STK32B: variants seen among roughly 807,000 people sequenced by gnomAD.
STK32B encodes serine/threonine-protein kinase 32B.
Under a neutral mutation model 52.6 loss-of-function variants are expected in STK32B, and 43 were observed. The observed-to-expected ratio is 0.82, with a 90% CI of 0.64 to 1.05. STK32B has a LOEUF of 1.05. Among genes scored for constraint, STK32B ranks in the 50% least tolerant of loss-of-function variants. STK32B has a pLI of 0.00. For synonymous variants in STK32B, 238 were observed against 204.3 expected, an observed-to-expected ratio of 1.17 and a Z score of -1.41; for missense variants, 621 against 534.6, an observed-to-expected ratio of 1.16 and a Z score of -1.59.
intron 3 of STK32B, among the ~76,000 whole-genome samples, chr4:5,294,213 A>G (rs571032267): frequency 1.3e-5 from 2 of 152,180 alleles, no homozygotes; most frequent in Non-Finnish European, 2.9e-5. Context: ...GTTTGAAGTC[A>G]GATAGCATGA....
intron 11 of STK32B, among the ~76,000 whole-genome samples, chr4:5,468,405 T>C (rs952841072): frequency 1.3e-5 from 2 of 152,170 alleles, no homozygotes; most frequent in Non-Finnish European, 2.9e-5. Flanking sequence ...TCAAGTTGCC[T>C]GGGGCCAAGT....
chr4:5,457,617 C>G (rs1257461951), intron 8 of STK32B, among the ~76,000 whole-genome samples: 1 of 151,192 alleles, frequency 6.6e-6, no homozygotes, highest in African/African-American at 2.4e-5. Context: ...CCTGTAATTC[C>G]AGCACTTTGG....
chr4:5,073,311 T>C (rs1711885450), intron 1 of STK32B, among the ~76,000 whole-genome samples: 1 of 152,034 alleles, frequency 6.6e-6, no homozygotes, highest in African/African-American at 2.4e-5. Flanking sequence ...AAACTGAAGG[T>C]GCTATAGGGA....
At chr4:5,486,891 G>A (rs1577051442) in intron 11 of STK32B, among the ~76,000 whole-genome samples, 1 of 152,262 alleles carries the variant, frequency 6.6e-6, no homozygotes, top group African/African-American at 2.4e-5. Flanking sequence ...TGCTCTTTGA[G>A]AAGTTTCACT....
rs1731010848 is a variant in STK32B, at chr4:5,317,078, T to TAA, written c.261-14142_261-14141insAA. 1.0e-4 allele frequency among the ~76,000 whole-genome samples: 3 copies of TAA among 29,710 alleles called. 1 individual carries two copies. The highest frequency in any genetic ancestry group is 8.6e-4 in the African/African-American group (3 of 3,492). 19.5% of individuals were successfully genotyped at this position (29,710 alleles called of 152,430 possible). On this transcript the variant is annotated intron_variant, in intron 3 of 11. Transcript: ENST00000282908. The stretch of plus-strand genomic sequence containing the variant: ...TATATATGATATAATATATTATATA[T>TAA]TATATATATAATATATATGATATAA...
At chr4:5,370,143 G>A (rs551599835) in intron 4 of STK32B, among the ~76,000 whole-genome samples, 3 of 152,258 alleles carry the variant, frequency 2.0e-5, no homozygotes, top group African/African-American at 7.2e-5. Context: ...CCAAAGTGCT[G>A]GGATTACAGG....
At chr4:5,307,863 T>C (rs1282183056) in intron 3 of STK32B, among the ~76,000 whole-genome samples, 1 of 152,086 alleles carries the variant, frequency 6.6e-6, no homozygotes, top group African/African-American at 2.4e-5. Flanking sequence ...GGATGGGGCT[T>C]CCTGAGAGCC....
intron 1 of STK32B, among the ~76,000 whole-genome samples, chr4:5,115,255 TCA>T (rs770688061): frequency 2.6e-5 from 4 of 152,130 alleles, no homozygotes; most frequent in African/African-American, 4.8e-5. Flanking sequence ...CCCAAGGGCC[TCA>T]CACAATGATT....
chr4:5,339,445 A>G (rs1304092749), intron 4 of STK32B, among the ~76,000 whole-genome samples: 3 of 152,078 alleles, frequency 2.0e-5, no homozygotes, highest in East Asian at 1.9e-4. Context: ...CCCCCTTTCA[A>G]TGTGTGTATG....
At chr4:5,473,592 A>G (rs1026611910) in intron 11 of STK32B, among the ~76,000 whole-genome samples, 3 of 152,178 alleles carry the variant, frequency 2.0e-5, no homozygotes, top group East Asian at 1.9e-4. Flanking sequence ...GGCTGAATCA[A>G]AATAGCCCCT....
intron 3 of STK32B, among the ~76,000 whole-genome samples, chr4:5,278,482 G>A (rs1727986218): frequency 6.6e-6 from 1 of 152,142 alleles, no homozygotes; most frequent in Admixed American, 6.5e-5. Context: ...TCCAAAGACT[G>A]TGCTTTCATT....
intron 1 of STK32B, among the ~76,000 whole-genome samples, chr4:5,124,110 T>C (rs1265082403): frequency 6.6e-6 from 1 of 152,174 alleles, no homozygotes; most frequent in African/African-American, 2.4e-5. Context: ...TTTGCCAAAA[T>C]GTCAGCATCC....
At chr4:5,348,615 GTTGCC>G (rs983119056) in intron 4 of STK32B, among the ~76,000 whole-genome samples, 6 of 152,092 alleles carry the variant, frequency 3.9e-5, no homozygotes, top group Non-Finnish European at 7.4e-5. Flanking sequence ...ACACCCCCAA[GTTGCC>G]TGATTACAGC....
At chr4:5,274,387 G>A (rs1727668042) in intron 3 of STK32B, among the ~76,000 whole-genome samples, 1 of 152,084 alleles carries the variant, frequency 6.6e-6, no homozygotes, top group Admixed American at 6.5e-5. Context: ...TTTAATGGTG[G>A]GGGGTAGGGT....
At chr4:5,142,585 A>T (rs1716559612) in intron 2 of STK32B, among the ~76,000 whole-genome samples, 1 of 152,210 alleles carries the variant, frequency 6.6e-6, no homozygotes, top group South Asian at 2.1e-4. Flanking sequence ...GGATAATTTA[A>T]CAGACATTCA....
intron 7 of STK32B, among the ~76,000 whole-genome samples, chr4:5,450,078 A>T (rs983748689): frequency 3.9e-5 from 6 of 152,220 alleles, no homozygotes. Context: ...AATATTGGGA[A>T]TCACTGATGC....
intron 6 of STK32B, among the ~76,000 whole-genome samples, chr4:5,440,365 A>T (rs1430958193): frequency 1.3e-5 from 2 of 152,280 alleles, no homozygotes; most frequent in African/African-American, 4.8e-5. Flanking sequence ...TCTTTGAAGC[A>T]ATTGTGAATG....
chr4:5,488,598 A>C (rs1719424177), intron 11 of STK32B, among the ~76,000 whole-genome samples: 1 of 152,210 alleles, frequency 6.6e-6, no homozygotes, highest in African/African-American at 2.4e-5. Context: ...TGACTCACAT[A>C]GACCATGCAT....
At chr4:5,480,615 G>A (rs954305369) in intron 11 of STK32B, among the ~76,000 whole-genome samples, 1 of 152,006 alleles carries the variant, frequency 6.6e-6, no homozygotes, top group African/African-American at 2.4e-5. Flanking sequence ...AAGTTTTAGG[G>A]TACATGTGCA....
Sources: gnomAD v4.1 joint callset for allele counts (sites outside exome capture counted in the v4.1 genomes callset) on GRCh38, gnomAD v4.1.1 for gene constraint, MANE v1.5 for transcripts, NCBI Gene and HGNC (gene_info 2026-07-23, HGNC 2026-07-21) for gene names.